The following SLC24A3 variants were observed in gnomAD, a reference collection of about 807,000 sequenced individuals.
SLC24A3 encodes sodium/potassium/calcium exchanger 3.
A neutral mutation model predicts 75.8 loss-of-function variants in SLC24A3; 28 were observed. The observed-to-expected ratio is 0.37, with a 90% CI of 0.27 to 0.51. SLC24A3 has a LOEUF of 0.51. Among genes scored for constraint, SLC24A3 ranks in the 20% least tolerant of loss-of-function variants. The pLI, the probability that SLC24A3 is intolerant of heterozygous loss-of-function variation, is 0.94. For missense variants in SLC24A3, 663 were observed against 847.8 expected (o/e 0.78, Z 2.71); for synonymous variants, 372 against 334.1 (o/e 1.11, Z -1.24).
intron 2 of SLC24A3, among the ~76,000 whole-genome samples, chr20:19,472,496 A>G (rs6081606): frequency 0.45 from 68,751 of 152,124 alleles, 17,334 homozygotes; most frequent in Non-Finnish European, 0.56. Context: ...CTTCAGCTTC[A>G]CACATGTGGG....
At chr20:19,586,862 A>T (rs998777646) in intron 6 of SLC24A3, among the ~76,000 whole-genome samples, 1 of 152,078 alleles carries the variant, frequency 6.6e-6, no homozygotes, top group African/African-American at 2.4e-5. Context: ...AGACTGAATG[A>T]TTTCCCTCTT....
chr20:19,422,822 C>T (rs1986939462), intron 2 of SLC24A3, among the ~76,000 whole-genome samples: 1 of 152,130 alleles, frequency 6.6e-6, no homozygotes, highest in South Asian at 2.1e-4. Context: ...AAAACCCCAC[C>T]CAGTGAGTTG....
chr20:19,669,254 C>T (rs986156912), intron 8 of SLC24A3, among the ~76,000 whole-genome samples: 2 of 152,200 alleles, frequency 1.3e-5, no homozygotes, highest in Non-Finnish European at 2.9e-5. Context: ...ATAATCCCAG[C>T]TCTTTGGGAG....
intron 2 of SLC24A3, among the ~76,000 whole-genome samples, chr20:19,413,707 T>C (rs1986783807): frequency 6.6e-6 from 1 of 152,242 alleles, no homozygotes; most frequent in African/African-American, 2.4e-5. Flanking sequence ...AACATGTCTC[T>C]ATGACATTCT....
rs1384805120 is a variant in SLC24A3, at chr20:19,559,814, C to T, written c.349-20186C>T. 2.6e-5 allele frequency among the ~76,000 whole-genome samples: 4 copies of T among 152,180 alleles called. No homozygotes were observed. The East Asian group carries it at 7.7e-4, about 29-fold the overall frequency. ...CGTTGGCTTCTGTGAGCACTTGCTA[C>T]TCACACTCATAGTTTCAGTGCTCCC... On this transcript the variant is annotated intron_variant, in intron 3 of 16. Transcript: ENST00000328041.
intron 9 of SLC24A3, among the ~76,000 whole-genome samples, chr20:19,680,991 AG>A (rs1568696105): frequency 6.6e-6 from 1 of 152,138 alleles, no homozygotes; most frequent in African/African-American, 2.4e-5. Context: ...TAAACGATGG[AG>A]GGGGGAAAAG....
intron 1 of SLC24A3, among the ~76,000 whole-genome samples, chr20:19,221,258 G>A (rs1194615784): frequency 6.6e-6 from 1 of 152,196 alleles, no homozygotes; most frequent in Admixed American, 6.5e-5. Context: ...GGGACACTAA[G>A]TATTCCAGCA....
rs113050087 is a variant in SLC24A3, at chr20:19,252,643, C to CAG, written c.143-28316_143-28315insAG. 1.9e-3 allele frequency among the ~76,000 whole-genome samples: 260 copies of CAG among 133,424 alleles called. 4 individuals carry two copies. Among genetic ancestry groups the CAG allele is most frequent in the East Asian group, 6.0e-3 (27 of 4,510 alleles). 87.5% of individuals were successfully genotyped at this position (133,424 alleles called of 152,430 possible). On this transcript the variant is annotated intron_variant, in intron 1 of 16. Coordinates refer to ENST00000328041, the MANE Select transcript of SLC24A3 (RefSeq NM_020689.4). ...AACAAAAAGCCTGAAATTGGAATGG[C>CAG]GGGGGGGGGTGCCTGTTCCAGAAAC...
intron 3 of SLC24A3, among the ~76,000 whole-genome samples, chr20:19,577,363 T>G (rs1476023171): frequency 1.3e-5 from 2 of 152,200 alleles, no homozygotes; most frequent in East Asian, 3.9e-4. Flanking sequence ...TAATCGACAT[T>G]TTTAATAAAA....
At chr20:19,265,872 C>T (rs1254480597) in intron 1 of SLC24A3, 3 of 152,898 alleles carry the variant, frequency 2.0e-5, no homozygotes, top group Non-Finnish European at 4.4e-5. Flanking sequence ...CTCTCAGAAC[C>T]AATCATTATG....
At chr20:19,392,064 G>A (rs1377081322) in intron 2 of SLC24A3, among the ~76,000 whole-genome samples, 1 of 152,166 alleles carries the variant, frequency 6.6e-6, no homozygotes, top group African/African-American at 2.4e-5. Flanking sequence ...TTGCCTAGGT[G>A]TCGGGGGCAC....
chr20:19,431,307 T>G, intron 2 of SLC24A3, among the ~76,000 whole-genome samples: 2 of 149,298 alleles, frequency 1.3e-5, no homozygotes, highest in African/African-American at 2.5e-5. Flanking sequence ...TGGGGGAGGG[T>G]TGGGAGGGGC....
intron 2 of SLC24A3, among the ~76,000 whole-genome samples, chr20:19,384,585 T>TTCATCTGTA (rs1986240058): frequency 6.6e-6 from 1 of 152,236 alleles, no homozygotes; most frequent in Non-Finnish European, 1.5e-5. Context: ...TGTAGGTAGA[T>TTCATCTGTA]GGACACTTAG....
intron 6 of SLC24A3, among the ~76,000 whole-genome samples, chr20:19,624,288 T>A (rs749725162): frequency 4.6e-5 from 7 of 152,164 alleles, no homozygotes. Context: ...TAGGCAAGTA[T>A]CCTGGAACCC....
At chr20:19,482,629 T>A (rs1026234555) in intron 2 of SLC24A3, among the ~76,000 whole-genome samples, 3 of 152,242 alleles carry the variant, frequency 2.0e-5, no homozygotes, top group Non-Finnish European at 4.4e-5. Context: ...TTTATTTGAA[T>A]AAATGAGTGA....
chr20:19,585,418 CTGATGT>C lies in SLC24A3; in HGVS notation c.509-22_509-17del, dbSNP rs1340630835. 5 of 1,610,046 alleles carry C rather than the reference CTGATGT, an allele frequency of 3.1e-6. No homozygotes were observed. The highest frequency in any genetic ancestry group is 2.7e-5 in the African/African-American group (2 of 74,818). ...ATGCAACAGGGCCACAACAGCCAGG[CTGATGT>C]GGGATCTGTGTTTCAGGGGTCTTCA... On this transcript the variant is annotated splice_polypyrimidine_tract_variant and intron_variant, in intron 5 of 16. Coordinates refer to ENST00000328041, the MANE Select transcript of SLC24A3 (RefSeq NM_020689.4).
intron 2 of SLC24A3, among the ~76,000 whole-genome samples, chr20:19,379,643 A>G (rs1318886077): frequency 1.4e-4 from 21 of 152,140 alleles, no homozygotes; most frequent in Admixed American, 1.4e-3. Flanking sequence ...TGGCAGAATT[A>G]AGCCAGTGGC....
chr20:19,278,642 G>A (rs924124834), intron 1 of SLC24A3, among the ~76,000 whole-genome samples: 14 of 152,068 alleles, frequency 9.2e-5, no homozygotes, highest in South Asian at 4.1e-4. Context: ...CTTTAACCTC[G>A]AATTATCTTT....
rs539000670 is a variant in SLC24A3, at chr20:19,219,407, C to T, written c.142+6423C>T. Among the ~76,000 whole-genome samples, 84 of 152,320 alleles carry T rather than the reference C, an allele frequency of 5.5e-4. 1 individual carries two copies. Among genetic ancestry groups the T allele is most frequent in the African/African-American group, 2.0e-3 (84 of 41,550 alleles). ...ATTTGTTCATTCAACAAATGGCAGG[C>T]TCTTTGCTAGTTGCTAGGGTGGCAG... On this transcript the variant is annotated intron_variant, in intron 1 of 16. Transcript: ENST00000328041.
Sources: allele counts gnomAD v4.1 joint callset (sites outside exome capture counted in the v4.1 genomes callset), GRCh38; gene constraint gnomAD v4.1.1; transcripts MANE v1.5; gene names NCBI Gene and HGNC (gene_info 2026-07-23, HGNC 2026-07-21).